Variants in VEGFC observed in about 807,000 individuals in gnomAD.
VEGFC encodes the protein vascular endothelial growth factor C.
Under a neutral mutation model 46.1 loss-of-function variants are expected in VEGFC, and 12 were observed. That is an observed-to-expected ratio of 0.26 (90% CI 0.17 to 0.42). VEGFC has a LOEUF of 0.42. Among genes scored for constraint, VEGFC ranks in the 10% least tolerant of loss-of-function variants. VEGFC has a pLI of 1.00. For missense variants in VEGFC, 488 were observed against 529.4 expected (o/e 0.92, Z 0.77); for synonymous variants, 232 against 195.5 (o/e 1.19, Z -1.56).
At chr4:176,723,257 G>A (rs4690359) in intron 3 of VEGFC, among the ~76,000 whole-genome samples, 110,685 of 151,966 alleles carry the variant, frequency 0.73, 44,629 homozygotes, top group East Asian at 0.94. Flanking sequence ...TGGATATCTA[G>A]ATATAGATAT....
At chr4:176,684,129 C>T (rs1733994756) in intron 6 of VEGFC, 89 bp from the exon 7 acceptor site, 1 of 960,656 alleles carries the variant, frequency 1.0e-6, no homozygotes, top group Non-Finnish European at 1.6e-6. Context: ...TTTTAAATTT[C>T]AGACTGGAAT....
chr4:176,763,894 A>G (rs1560959322), intron 1 of VEGFC, among the ~76,000 whole-genome samples: 2 of 152,152 alleles, frequency 1.3e-5, no homozygotes, highest in Non-Finnish European at 2.9e-5. Flanking sequence ...TAAGTTTTCA[A>G]TGGAACGGTA....
Position 176,711,544 on chromosome 4 carries a change from T to C in VEGFC, c.659A>G (p.Gln220Arg), listed in dbSNP as rs200933230. The stretch of plus-strand genomic sequence containing the variant: ...GGAACGTCTAATAATGGAATGAACT[T>C]GTCTGTAAACATCCAGTTTAGACAT... ...RCMSKLDVYR[Q>R]VHSIIRRSLP... The change falls in exon 4 of 7, where the codon CAA becomes CGA. Residue 220 changes from glutamine to arginine, a missense_variant. Gln to Arg is a conservative substitution (Grantham distance 43). Coordinates refer to ENST00000618562, the MANE Select transcript of VEGFC (RefSeq NM_005429.5). 96 of 1,613,486 alleles carry C rather than the reference T, an allele frequency of 5.9e-5. No individual in the cohort carries two copies. Among genetic ancestry groups the C allele is most frequent in the Non-Finnish European group, 4.8e-5 (57 of 1,179,684 alleles).
At position 176,745,255 on chromosome 4, in the gene VEGFC, TA is replaced by T. The variant is rs558970035; in HGVS notation, c.148-15510del. Among the ~76,000 whole-genome samples the T allele has an allele frequency of 1.4e-4, 21 of 152,264 alleles. No homozygotes were observed. The South Asian group carries it at 4.1e-3, about 30-fold the overall frequency. On this transcript the variant is annotated intron_variant, in intron 1 of 6. Coordinates refer to ENST00000618562, the MANE Select transcript of VEGFC (RefSeq NM_005429.5). ...GCTACCATCACTATATCAATGATTA[TA>T]AAACTTTTGTTAAAAATGCATATAT... is the stretch of plus-strand genomic sequence containing the variant.
rs559507125 is a variant in VEGFC at position 176,751,505 on chromosome 4, T to C, written c.148-21759A>G. ...ATCAAAATGTTCACTACAGTACTAA[T>C]TGCAGCAGCAAAATGTTTGAAGAAA... On this transcript the variant is annotated intron_variant, in intron 1 of 6. Coordinates refer to ENST00000618562, the MANE Select transcript of VEGFC (RefSeq NM_005429.5). Among the ~76,000 whole-genome samples, 17 of 151,978 alleles carry C rather than the reference T, an allele frequency of 1.1e-4. No homozygotes were observed. In the South Asian group the frequency reaches 1.4e-3, roughly 13 times the overall value.
At chr4:176,740,368 C>CTATATATAGTTATATATAACTATATATT (rs1553994980) in intron 1 of VEGFC, among the ~76,000 whole-genome samples, 127 of 113,012 alleles carry the variant, frequency 1.1e-3, no homozygotes, top group African/African-American at 3.4e-3. Flanking sequence ...TATATATATT[C>CTATATATAGTTATATATAACTATATATT]TATATATAGT....
chr4:176,708,178 G>C (rs1201666774), intron 4 of VEGFC, among the ~76,000 whole-genome samples: 1 of 151,268 alleles, frequency 6.6e-6, no homozygotes, highest in African/African-American at 2.4e-5. Flanking sequence ...GATTTTGAAT[G>C]TTTTTATAAA....
At chr4:176,743,977 T>A (rs1163272640) in intron 1 of VEGFC, among the ~76,000 whole-genome samples, 1 of 151,968 alleles carries the variant, frequency 6.6e-6, no homozygotes. Flanking sequence ...AAGGGAACAA[T>A]AGCCACAATT....
chr4:176,729,463 AG>A, intron 2 of VEGFC, 69 bp downstream of exon 2: 1 of 1,402,844 alleles, frequency 7.1e-7, no homozygotes, highest in African/African-American at 1.4e-5. Context: ...CTGAAATTAA[AG>A]AACCAGGCTG....
At chr4:176,701,816 A>G (rs1734439421) in intron 4 of VEGFC, among the ~76,000 whole-genome samples, 1 of 152,198 alleles carries the variant, frequency 6.6e-6, no homozygotes, top group South Asian at 2.1e-4. Context: ...TGCATGTTTT[A>G]AAATGCTGAA....
At chr4:176,739,369 A>G (rs1735116211) in intron 1 of VEGFC, among the ~76,000 whole-genome samples, 2 of 151,902 alleles carry the variant, frequency 1.3e-5, no homozygotes, top group Non-Finnish European at 2.9e-5. Context: ...TAGACTGGAT[A>G]AAGAGAATGT....
At chr4:176,776,743 C>T (rs950214093) in intron 1 of VEGFC, among the ~76,000 whole-genome samples, 3 of 152,122 alleles carry the variant, frequency 2.0e-5, no homozygotes, top group African/African-American at 7.2e-5. Context: ...GTGCAACGGC[C>T]AAAGATTTAT....
At chr4:176,715,577 T>C (rs1734685798) in intron 3 of VEGFC, among the ~76,000 whole-genome samples, 1 of 152,134 alleles carries the variant, frequency 6.6e-6, no homozygotes, top group African/African-American at 2.4e-5. Flanking sequence ...TGTGTGTATA[T>C]TGACTGACTT....
At chr4:176,706,271 T>G (rs1734532589) in intron 4 of VEGFC, 1 of 113,976 alleles carries the variant, frequency 8.8e-6, no homozygotes, top group Admixed American at 9.5e-5. Context: ...TTTGGATGAC[T>G]GTGGGAAATC....
chr4:176,762,739 T>C (rs1391741437), intron 1 of VEGFC, among the ~76,000 whole-genome samples: 1 of 152,126 alleles, frequency 6.6e-6, no homozygotes. Context: ...AAAGTATTCC[T>C]AGGGGTGCAA....
chr4:176,761,172 A>G (rs1275196435), intron 1 of VEGFC, among the ~76,000 whole-genome samples: 2 of 152,232 alleles, frequency 1.3e-5, no homozygotes, highest in Non-Finnish European at 2.9e-5. Flanking sequence ...TATACAATTG[A>G]TGTACTCATA....
At chr4:176,695,888 G>A (rs912382943) in intron 4 of VEGFC, among the ~76,000 whole-genome samples, 2 of 151,610 alleles carry the variant, frequency 1.3e-5, no homozygotes, top group African/African-American at 4.9e-5. Context: ...AAAACCACAT[G>A]ATTATCTCAA....
intron 3 of VEGFC, among the ~76,000 whole-genome samples, chr4:176,722,499 GT>G (rs796817880): frequency 0.1 from 10,665 of 104,406 alleles, 275 homozygotes; most frequent in Non-Finnish European, 0.13. Flanking sequence ...TTTTTTTTTT[GT>G]TTTTTTTTTT....
intron 1 of VEGFC, among the ~76,000 whole-genome samples, chr4:176,774,920 G>A (rs570452716): frequency 3.3e-5 from 5 of 151,944 alleles, no homozygotes; most frequent in African/African-American, 1.2e-4. Flanking sequence ...TAAGAATATC[G>A]TTAGAGATCA....
Sources: gnomAD v4.1 joint callset for allele counts (sites outside exome capture counted in the v4.1 genomes callset) on GRCh38, gnomAD v4.1.1 for gene constraint, MANE v1.5 for transcripts, NCBI Gene and HGNC (gene_info 2026-07-23, HGNC 2026-07-21) for gene names.